The following SPAG1 variants were observed in gnomAD, a reference collection of about 807,000 sequenced individuals.
SPAG1 encodes the protein sperm associated antigen 1, also known as sperm-associated antigen 1.
A neutral mutation model predicts 100.5 loss-of-function variants in SPAG1; 69 were observed. The ratio of observed to expected loss-of-function variants is 0.69; its 90% confidence interval spans 0.57 to 0.84. The LOEUF is 0.84. Among genes scored for constraint, SPAG1 ranks in the 40% least tolerant of loss-of-function variants. The pLI is 0.00. For missense variants in SPAG1, 955 were observed against 1,133.1 expected (o/e 0.84, Z 2.26); for synonymous variants, 336 against 411.6 (o/e 0.82, Z 2.22).
rs1358890660 is a variant in SPAG1 at position 100,241,037 on chromosome 8, T to G, written c.*15T>G. On this transcript the variant is annotated 3_prime_UTR_variant, in exon 19 of 19. Coordinates refer to ENST00000388798, the MANE Select transcript of SPAG1 (RefSeq NM_003114.5). The surrounding 1 kb of genome is among the most constrained non-coding windows in gnomAD (Gnocchi z 5.1). ...ATGAGCTTTAAATCAAGATAATTGT[T>G]AGATTTCTTCCATGCATGTATGTGT... The G allele has an allele frequency of 1.2e-6, 2 of 1,608,658 alleles. No individual in the cohort carries two copies. The highest frequency in any genetic ancestry group is 1.7e-6 in the Non-Finnish European group (2 of 1,178,018).
At chr8:100,175,284 CTT>C (rs1329134913) in intron 3 of SPAG1, among the ~76,000 whole-genome samples, 88 of 126,350 alleles carry the variant, frequency 7.0e-4, no homozygotes, top group South Asian at 2.9e-3. Flanking sequence ...CAGTGAAGTT[CTT>C]TTTTTTTTTT....
At chr8:100,224,703 C>T (rs1238940200) in intron 13 of SPAG1, among the ~76,000 whole-genome samples, 1 of 152,170 alleles carries the variant, frequency 6.6e-6, no homozygotes, top group Non-Finnish European at 1.5e-5. Flanking sequence ...CAGTCTTGTA[C>T]ACCTGTTGTC....
At position 100,240,985 on chromosome 8, in the gene SPAG1, AAGAT is replaced by A; in HGVS notation, c.2746_2749del (p.Asp916TyrfsTer4). On this transcript the variant is annotated frameshift_variant, in exon 19 of 19. Coordinates refer to ENST00000388798, the MANE Select transcript of SPAG1 (RefSeq NM_003114.5). LOFTEE classifies it high-confidence loss of function. ...ACACCAAACAACCATTTTACTTTAG[AAGAT>A]ATACAGGCCCTAAAAAGGCAGTATG... 1 of 1,613,540 alleles carries A rather than the reference AAGAT, an allele frequency of 6.2e-7. No individual in the cohort carries two copies. The highest frequency in any genetic ancestry group is 8.5e-7 in the Non-Finnish European group (1 of 1,179,762).
chr8:100,209,447 A>G (rs1233876113), intron 10 of SPAG1, among the ~76,000 whole-genome samples: 1 of 149,412 alleles, frequency 6.7e-6, no homozygotes, highest in Non-Finnish European at 1.5e-5. Flanking sequence ...AAAGAAGAAG[A>G]AAAGAGAGTC....
At chr8:100,230,647 G>A (rs1429818496) in intron 14 of SPAG1, among the ~76,000 whole-genome samples, 1 of 152,082 alleles carries the variant, frequency 6.6e-6, no homozygotes, top group African/African-American at 2.4e-5. Flanking sequence ...TTTTGAGATG[G>A]GGTTTCGCTC....
chr8:100,188,359 C>T (rs539750309), intron 8 of SPAG1, among the ~76,000 whole-genome samples: 12 of 151,778 alleles, frequency 7.9e-5, no homozygotes, highest in African/African-American at 1.9e-4. Flanking sequence ...TTCACTGTGT[C>T]GCCCAGGCTG....
At chr8:100,172,445 C>G (rs1486401596) in intron 3 of SPAG1, among the ~76,000 whole-genome samples, 4 of 151,922 alleles carry the variant, frequency 2.6e-5, no homozygotes, top group Non-Finnish European at 4.4e-5. Flanking sequence ...ATGGTGAAAC[C>G]CTGTCTCTAC....
Position 100,240,393 on chromosome 8 carries a change from C to G in SPAG1, c.2281-10C>G. On this transcript the variant is annotated splice_polypyrimidine_tract_variant and intron_variant, in intron 17 of 18. Coordinates refer to ENST00000388798, the MANE Select transcript of SPAG1 (RefSeq NM_003114.5). ...CAGTGTCACAATGCATTTTTCTTTT[C>G]TTCATGAAGGTGAATGAAGGCAAGG... 6.4e-7 allele frequency: 1 copy of G among 1,571,176 alleles called. No homozygotes were observed. The highest frequency in any genetic ancestry group is 2.2e-5 in the East Asian group (1 of 44,678).
intron 17 of SPAG1, 122 bp from the exon 18 acceptor site, chr8:100,240,281 T>C: frequency 1.2e-6 from 1 of 841,572 alleles, no homozygotes; most frequent in Non-Finnish European, 1.7e-6. Flanking sequence ...AAGTTTTCAC[T>C]TGGAACTGGA....
At chr8:100,189,849 T>C (rs1431873125) in intron 8 of SPAG1, among the ~76,000 whole-genome samples, 1 of 152,222 alleles carries the variant, frequency 6.6e-6, no homozygotes, top group Non-Finnish European at 1.5e-5. Context: ...TGTGTAGCAA[T>C]AGCAATAGCT....
chr8:100,213,796 A>AT, intron 11 of SPAG1, 23 bp from the exon 12 acceptor site: 1 of 1,376,500 alleles, frequency 7.3e-7, no homozygotes, highest in Admixed American at 1.8e-5. Context: ...TTTTAACTGT[A>AT]TTTAATTAAA....
At chr8:100,231,089 T>A in intron 14 of SPAG1, 67 bp from the exon 15 acceptor site, 1 of 1,403,858 alleles carries the variant, frequency 7.1e-7, no homozygotes, top group South Asian at 1.6e-5. Flanking sequence ...TTACTTATAG[T>A]TGTACTTAAG....
intron 3 of SPAG1, among the ~76,000 whole-genome samples, chr8:100,166,325 C>T (rs1047026229): frequency 6.6e-6 from 1 of 151,872 alleles, no homozygotes; most frequent in African/African-American, 2.4e-5. Flanking sequence ...GTGGCACGAT[C>T]TTGGCTCACT....
intron 3 of SPAG1, among the ~76,000 whole-genome samples, chr8:100,166,587 A>G (rs1427840235): frequency 6.6e-6 from 1 of 151,936 alleles, no homozygotes; most frequent in Non-Finnish European, 1.5e-5. Context: ...CTCCCTGATT[A>G]TTTCCTCAGG....
intron 12 of SPAG1, among the ~76,000 whole-genome samples, chr8:100,214,379 T>A (rs2132357983): frequency 6.6e-6 from 1 of 152,328 alleles, no homozygotes. Flanking sequence ...CTCGCCCACC[T>A]TGTTCTCTGA....
At chr8:100,178,082 C>G in intron 4 of SPAG1, 141 bp downstream of exon 4, 1 of 582,208 alleles carries the variant, frequency 1.7e-6, no homozygotes, top group South Asian at 4.1e-5. Flanking sequence ...TGGCTGGGAA[C>G]TATCGGCTGG....
chr8:100,232,095 G>C (rs2132424386), intron 15 of SPAG1, among the ~76,000 whole-genome samples: 1 of 152,286 alleles, frequency 6.6e-6, no homozygotes, highest in Admixed American at 6.5e-5. Flanking sequence ...TTACCACGTA[G>C]TAAAAGATAC....
At chr8:100,206,454 A>C (rs1162359793) in intron 10 of SPAG1, among the ~76,000 whole-genome samples, 1 of 152,214 alleles carries the variant, frequency 6.6e-6, no homozygotes, top group Non-Finnish European at 1.5e-5. Flanking sequence ...ACACTGGTAC[A>C]TTATATTGAT....
chr8:100,227,678 C>A (rs2132411400), intron 14 of SPAG1, among the ~76,000 whole-genome samples: 1 of 152,110 alleles, frequency 6.6e-6, no homozygotes, highest in South Asian at 2.1e-4. Context: ...ATTTTTCTGT[C>A]CATATTTGTT....
Sources: allele counts gnomAD v4.1 joint callset (sites outside exome capture counted in the v4.1 genomes callset), GRCh38; gene constraint gnomAD v4.1.1; non-coding constraint Gnocchi (gnomAD v3.1); transcripts MANE v1.5; gene names NCBI Gene and HGNC (gene_info 2026-07-23, HGNC 2026-07-21).